The following NUP93 variants were observed in gnomAD, a reference collection of about 807,000 sequenced individuals.
NUP93 encodes the protein nuclear pore complex protein Nup93.
NUP93 carries 55 observed loss-of-function variants against 107.8 expected under a neutral mutation model. The ratio of observed to expected loss-of-function variants is 0.51; its 90% CI spans 0.41 to 0.64. The LOEUF (loss-of-function observed/expected upper bound fraction) is 0.64. Ranked by LOEUF, NUP93 falls within the 30% of genes least tolerant of loss-of-function variation. The probability of loss-of-function intolerance (pLI) is 0.00; values close to 1 mark genes in which losing one functional copy is unlikely to be tolerated. For synonymous variants in NUP93, 390 were observed against 397.5 expected (o/e 0.98, Z 0.22); for missense variants, 937 against 1,044.7 (o/e 0.90, Z 1.42).
chr16:56,820,901 T>C (rs1963529075), intron 6 of NUP93, among the ~76,000 whole-genome samples: 1 of 152,182 alleles, frequency 6.6e-6, no homozygotes, highest in African/African-American at 2.4e-5. Flanking sequence ...AATTTACGAT[T>C]TCTACTATCA....
intron 10 of NUP93, 183 bp from the exon 11 acceptor site, chr16:56,831,659 T>G: frequency 1.7e-6 from 1 of 573,038 alleles, no homozygotes; most frequent in East Asian, 3.1e-5. Flanking sequence ...CAGGTGCAGG[T>G]AGTTGCAAGT....
chr16:56,843,575 G>A (rs982972896), intron 21 of NUP93, among the ~76,000 whole-genome samples: 5 of 152,132 alleles, frequency 3.3e-5, no homozygotes, highest in Admixed American at 2.0e-4. Context: ...CTAGTAAAGG[G>A]GTGAATCCTT....
intron 1 of NUP93, among the ~76,000 whole-genome samples, chr16:56,731,636 G>T (rs112595976): frequency 6.6e-6 from 1 of 151,940 alleles, no homozygotes; most frequent in East Asian, 1.9e-4. Flanking sequence ...TTGAACTCCT[G>T]GCCTCAAGTG....
In NUP93 at chr16:56,849,656, A is replaced by G. The variant is rs1247084446; in HGVS notation, c.*5047A>G. ...TAGCAAATAAAAATATAGGACACTC[A>G]ATTAAGTTTGCATTTTGGATAAACA... On this transcript the variant is annotated 3_prime_UTR_variant, in exon 22 of 22. Transcript: ENST00000308159. 1.3e-5 allele frequency: 2 copies of G among 152,166 alleles called. No homozygotes were observed. Among genetic ancestry groups the G allele is most frequent in the African/African-American group, 2.4e-5 (1 of 41,430 alleles). 9.4% of individuals were successfully genotyped at this position (152,166 alleles called of 1,614,324 possible).
Position 56,833,337 on chromosome 16 carries a change from G to A in NUP93, c.1468G>A (p.Val490Ile). Residue 490 changes from valine (V) to isoleucine (I), a missense_variant, in exon 13 of 22, where the codon GTC (valine) becomes ATC (isoleucine). By Grantham distance (29) the Val-to-Ile change is conservative. Coordinates refer to ENST00000308159, the MANE Select transcript of NUP93 (RefSeq NM_014669.5). ...FRMERLRCHA[V>I]HVALVLFELK... The stretch of plus-strand genomic sequence containing the variant: ...CATGGAGCGGCTGCGCTGCCATGCT[G>A]TCCATGTAGCACTGGTGCTGTTTGA... 3.1e-6 allele frequency: 5 copies of A among 1,605,122 alleles called. No individual in the cohort carries two copies. Among genetic ancestry groups the A allele is most frequent in the Non-Finnish European group, 4.2e-6 (5 of 1,176,772 alleles).
intron 5 of NUP93, among the ~76,000 whole-genome samples, chr16:56,806,518 G>A (rs1214444595): frequency 6.6e-6 from 1 of 152,134 alleles, no homozygotes; most frequent in Admixed American, 6.5e-5. Flanking sequence ...CACAATCAGG[G>A]TATTGGCCGA....
intron 10 of NUP93, among the ~76,000 whole-genome samples, chr16:56,831,291 G>A (rs1263841855): frequency 1.3e-5 from 2 of 152,196 alleles, no homozygotes; most frequent in Non-Finnish European, 2.9e-5. Flanking sequence ...GGCGGTTACT[G>A]TAGCTGTACT....
chr16:56,730,708 C>T (rs185360530), intron 1 of NUP93, among the ~76,000 whole-genome samples: 58 of 152,326 alleles, frequency 3.8e-4, no homozygotes, highest in African/African-American at 1.3e-3. Flanking sequence ...ACCTTTTGTA[C>T]ATCCAGGAGG....
intron 8 of NUP93, among the ~76,000 whole-genome samples, chr16:56,825,848 A>AG (rs1423716360): frequency 6.6e-6 from 1 of 152,148 alleles, no homozygotes; most frequent in African/African-American, 2.4e-5. Flanking sequence ...CCTTTGATAA[A>AG]GGGGGTATTT....
chr16:56,834,176 T>C lies in NUP93; in HGVS notation c.1586T>C (p.Val529Ala), dbSNP rs1327559660. Residue 529 changes from valine to alanine, a missense_variant, in exon 14 of 22, where the codon GTG becomes GCG. Physicochemically the swap from Val to Ala is moderately conservative, Grantham distance 64 (BLOSUM62 0). Transcript: ENST00000308159. ...DPPCLRRLNF[V>A]RLLMLYTRKF... Reference sequence around the variant, plus strand: ...CCTTGCTTGCGGCGGCTGAACTTCGTGCGGCTCCTCATGCTGTACACCCGG... The same window carrying C: ...CCTTGCTTGCGGCGGCTGAACTTCGCGCGGCTCCTCATGCTGTACACCCGG... 1.9e-6 allele frequency: 3 copies of C among 1,614,152 alleles called. No individual in the cohort carries two copies. In the East Asian group the frequency reaches 6.7e-5, roughly 36 times the overall value.
chr16:56,763,178 T>C (rs1444561969), intron 3 of NUP93, among the ~76,000 whole-genome samples: 5 of 152,218 alleles, frequency 3.3e-5, no homozygotes. Context: ...ATGGGCAGTA[T>C]TGGGATAAGA....
rs111677463 is a variant in NUP93 at position 56,745,888 on chromosome 16, A to G, written c.-14-2346A>G. Reference sequence around the variant, plus strand: ...AAAGTAAATGACTGATTCTGTATTAATTACTTAAATTCATTGCTCAAAATC... The same window carrying G: ...AAAGTAAATGACTGATTCTGTATTAGTTACTTAAATTCATTGCTCAAAATC... On this transcript the variant is annotated intron_variant, in intron 1 of 21. Coordinates refer to ENST00000308159, the MANE Select transcript of NUP93 (RefSeq NM_014669.5). Among the ~76,000 whole-genome samples the G allele has an allele frequency of 8.9e-3, 1,362 of 152,308 alleles. 18 individuals carry two copies. The highest frequency in any genetic ancestry group is 0.031 in the African/African-American group (1,284 of 41,534).
At chr16:56,734,760 A>T (rs1234690827) in intron 1 of NUP93, among the ~76,000 whole-genome samples, 1 of 152,252 alleles carries the variant, frequency 6.6e-6, no homozygotes, top group Non-Finnish European at 1.5e-5. Context: ...GGAGAAAAGA[A>T]GTCAAGGACA....
intron 3 of NUP93, among the ~76,000 whole-genome samples, chr16:56,788,104 A>G (rs1200688913): frequency 2.0e-5 from 3 of 152,196 alleles, no homozygotes; most frequent in Non-Finnish European, 2.9e-5. Flanking sequence ...AAATGCTCAC[A>G]GTTATCCCTG....
chr16:56,809,811 G>A (rs1963274585), intron 5 of NUP93, among the ~76,000 whole-genome samples: 1 of 152,144 alleles, frequency 6.6e-6, no homozygotes, highest in African/African-American at 2.4e-5. Context: ...TTGGGAAATT[G>A]CTCATTAAGG....
chr16:56,731,907 A>C (rs867975060), intron 1 of NUP93, among the ~76,000 whole-genome samples: 5 of 151,852 alleles, frequency 3.3e-5, no homozygotes, highest in South Asian at 4.1e-4. Flanking sequence ...GAAAAAAAAA[A>C]CCCTCCAATG....
At chr16:56,734,928 C>CT (rs1238665485) in intron 1 of NUP93, among the ~76,000 whole-genome samples, 4 of 152,308 alleles carry the variant, frequency 2.6e-5, no homozygotes, top group Non-Finnish European at 2.9e-5. Flanking sequence ...GTGCCCATCT[C>CT]TATCTTTCTG....
At position 56,834,197 on chromosome 16, in the gene NUP93, C is replaced by CG; in HGVS notation, c.1607_1608insG (p.Arg537ProfsTer4). The CG allele has an allele frequency of 6.2e-7, 1 of 1,614,042 alleles. No individual in the cohort carries two copies. Reference sequence around the variant, plus strand: ...TTCGTGCGGCTCCTCATGCTGTACACCCGGAAGTTTGAGTCCACGGACCCA... The same window carrying CG: ...TTCGTGCGGCTCCTCATGCTGTACACGCCGGAAGTTTGAGTCCACGGACCCA... On this transcript the variant is annotated frameshift_variant, in exon 14 of 22. Transcript: ENST00000308159. LOFTEE classifies it high-confidence loss of function.
chr16:56,815,221 C>G (rs1173413699), intron 5 of NUP93, among the ~76,000 whole-genome samples: 3 of 152,290 alleles, frequency 2.0e-5, no homozygotes, highest in Middle Eastern at 3.4e-3. Context: ...TAGTGCTGTT[C>G]TCCTTTTCAT....
Sources: allele counts gnomAD v4.1 joint callset (sites outside exome capture counted in the v4.1 genomes callset), GRCh38; gene constraint gnomAD v4.1.1; transcripts MANE v1.5; gene names NCBI Gene and HGNC (gene_info 2026-07-23, HGNC 2026-07-21).